Variants in CDC25A observed in about 807,000 individuals in gnomAD.
CDC25A encodes M-phase inducer phosphatase 1.
A neutral mutation model predicts 64.6 loss-of-function variants in CDC25A; 17 were observed. The ratio of observed to expected loss-of-function variants is 0.26; its 90% CI spans 0.18 to 0.39. CDC25A has a LOEUF of 0.39. CDC25A is among the 10% of genes least tolerant of loss of function. The pLI is 1.00. For missense variants in CDC25A, 473 were observed against 654.8 expected, an observed-to-expected ratio of 0.72 and a Z score of 3.03; for synonymous variants, 229 against 238.6, an observed-to-expected ratio of 0.96 and a Z score of 0.37.
intron 7 of CDC25A, 71 bp downstream of exon 7, chr3:48,177,783 A>G: frequency 2.5e-6 from 4 of 1,575,534 alleles, no homozygotes; most frequent in Non-Finnish European, 3.5e-6. Context: ...GTTCTTTTTC[A>G]CATCACATGC....
intron 9 of CDC25A, 38 bp downstream of exon 9, chr3:48,174,246 T>A: frequency 6.5e-7 from 1 of 1,543,862 alleles, no homozygotes; most frequent in Non-Finnish European, 8.7e-7. Flanking sequence ...AAAAATACAG[T>A]ATCTGTGCTA....
chr3:48,165,991 A>C, intron 10 of CDC25A, 98 bp from the exon 11 acceptor site: 2 of 875,198 alleles, frequency 2.3e-6, no homozygotes, highest in Non-Finnish European at 3.7e-6. Flanking sequence ...CTTTTAAAAA[A>C]CAAACATTAA....
At chr3:48,171,531 C>A (rs1357135453) in intron 9 of CDC25A, among the ~76,000 whole-genome samples, 3 of 151,462 alleles carry the variant, frequency 2.0e-5, no homozygotes. Context: ...CAGGCTCATA[C>A]CACCACACCC....
At chr3:48,183,983 G>C (rs1425544238) in intron 3 of CDC25A, 147 bp from the exon 4 acceptor site, 1 of 541,582 alleles carries the variant, frequency 1.8e-6, no homozygotes, top group East Asian at 2.9e-5. Flanking sequence ...AATTTCTGAA[G>C]CTGTCCTGTT....
rs112695315 is a variant in CDC25A at position 48,164,304 on chromosome 3, C to T, written c.1322+3G>A. 1 of 1,573,114 alleles carries T rather than the reference C, an allele frequency of 6.4e-7. No individual in the cohort carries two copies. The highest frequency in any genetic ancestry group is 8.6e-7 in the Non-Finnish European group (1 of 1,162,888). ...CCAGAACCCAGTTCCGTGCAGCACT[C>T]ACATGCGGGGACCTCTCTCAGAAGA... On this transcript the variant is annotated splice_donor_region_variant and intron_variant, in intron 13 of 14. Coordinates refer to ENST00000302506, the MANE Select transcript of CDC25A (RefSeq NM_001789.3).
chr3:48,186,588 G>T (rs924849551), intron 2 of CDC25A, 115 bp downstream of exon 2: 46 of 490,680 alleles, frequency 9.4e-5, no homozygotes, highest in Non-Finnish European at 1.3e-4. Flanking sequence ...AAAAAAAAAA[G>T]TTTATCACCC....
At chr3:48,173,517 TTAGA>T (rs1190852284) in intron 9 of CDC25A, among the ~76,000 whole-genome samples, 2 of 152,196 alleles carry the variant, frequency 1.3e-5, no homozygotes, top group African/African-American at 4.8e-5. Context: ...CAGAAGACTT[TTAGA>T]CAATAATCAT....
intron 9 of CDC25A, among the ~76,000 whole-genome samples, chr3:48,171,955 A>G (rs1191617611): frequency 2.0e-5 from 3 of 152,150 alleles, no homozygotes; most frequent in Non-Finnish European, 4.4e-5. Context: ...CAGGAATTCA[A>G]GGCCAGCCTG....
chr3:48,168,117 C>T (rs910747997), intron 9 of CDC25A, among the ~76,000 whole-genome samples, 173 bp from the exon 10 acceptor site: 1 of 148,758 alleles, frequency 6.7e-6, no homozygotes, highest in Non-Finnish European at 1.5e-5. Context: ...GGGTTATTGA[C>T]TAGGTCTCCT....
intron 13 of CDC25A, chr3:48,161,341 G>A (rs929514120): frequency 6.4e-6 from 1 of 155,778 alleles, no homozygotes; most frequent in Non-Finnish European, 1.4e-5. Flanking sequence ...GTATATCTAG[G>A]TGAAGTTTCA....
chr3:48,178,075 C>T, intron 6 of CDC25A, 87 bp from the exon 7 acceptor site: 1 of 1,334,994 alleles, frequency 7.5e-7, no homozygotes, highest in Non-Finnish European at 1.0e-6. Flanking sequence ...ATGATGAAAA[C>T]ATACTATGTT....
chr3:48,162,617 A>G (rs1166498517), intron 13 of CDC25A, among the ~76,000 whole-genome samples: 3 of 151,160 alleles, frequency 2.0e-5, no homozygotes, highest in African/African-American at 7.3e-5. Flanking sequence ...GGAGGCCGAG[A>G]CGGGCAGATC....
chr3:48,186,587 A>AT (rs1254654230), intron 2 of CDC25A, 116 bp downstream of exon 2: 2 of 597,524 alleles, frequency 3.3e-6, no homozygotes, highest in Admixed American at 6.2e-5. Context: ...AAAAAAAAAA[A>AT]GTTTATCACC....
chr3:48,169,409 C>G (rs906014216), intron 9 of CDC25A, among the ~76,000 whole-genome samples: 6 of 152,172 alleles, frequency 3.9e-5, no homozygotes, highest in Non-Finnish European at 8.8e-5. Flanking sequence ...ACAAATAGAA[C>G]TGGAATTCAA....
In CDC25A at chr3:48,157,902, T is replaced by C. The variant is rs1339137281; in HGVS notation, c.*1043A>G. On this transcript the variant is annotated 3_prime_UTR_variant, in exon 15 of 15. Transcript: ENST00000302506. ...TACTCTTTGACTCATAATATGACCA[T>C]TTTTTAAAAATTAGAAAATAAAAGC... 6.6e-6 allele frequency: 1 copy of C among 152,598 alleles called. No homozygotes were observed. The highest frequency in any genetic ancestry group is 1.5e-5 in the Non-Finnish European group (1 of 68,060). 9.5% of individuals were successfully genotyped at this position (152,598 alleles called of 1,614,324 possible).
intron 3 of CDC25A, 30 bp downstream of exon 3, chr3:48,184,623 T>C: frequency 5.3e-6 from 8 of 1,515,838 alleles, no homozygotes; most frequent in Non-Finnish European, 7.2e-6. Flanking sequence ...TTTTTCTACA[T>C]ATAAACATTT....
intron 8 of CDC25A, among the ~76,000 whole-genome samples, chr3:48,175,387 C>T (rs2032418256): frequency 6.6e-6 from 1 of 152,184 alleles, no homozygotes. Flanking sequence ...TCTCTAAACG[C>T]ATCTCAGCCT....
Position 48,177,991 on chromosome 3 carries a change from G to GT in CDC25A, c.550-4dup. 1 of 1,604,448 alleles carries GT rather than the reference G, an allele frequency of 6.2e-7. No individual in the cohort carries two copies. Among genetic ancestry groups the GT allele is most frequent in the Non-Finnish European group, 8.5e-7 (1 of 1,175,148 alleles). On this transcript the variant is annotated splice_region_variant and splice_polypyrimidine_tract_variant and intron_variant, in intron 6 of 14. Coordinates refer to ENST00000302506, the MANE Select transcript of CDC25A (RefSeq NM_001789.3). ...CTATCTCTTTCATTTGAGGAAAGCTGTAAGACAAAATTCATGGATTAATAA... is the reference window on the plus strand; with the variant it reads ...CTATCTCTTTCATTTGAGGAAAGCTGTTAAGACAAAATTCATGGATTAATAA...
intron 2 of CDC25A, 99 bp from the exon 3 acceptor site, chr3:48,184,794 G>A: frequency 1.2e-6 from 1 of 814,918 alleles, no homozygotes; most frequent in East Asian, 2.7e-5. Flanking sequence ...CTTTATTTAA[G>A]TCAGGCAACA....
Sources: gnomAD v4.1 joint callset for allele counts (sites outside exome capture counted in the v4.1 genomes callset) on GRCh38, gnomAD v4.1.1 for gene constraint, MANE v1.5 for transcripts, NCBI Gene and HGNC (gene_info 2026-07-23, HGNC 2026-07-21) for gene names.